WSCD1: variants seen among roughly 807,000 people sequenced by gnomAD.
WSCD1 encodes sialate:O-sulfotransferase 1.
In WSCD1, 41 loss-of-function variants were observed where a neutral mutation model predicts 60.4. The ratio of observed to expected loss-of-function variants is 0.68; its 90% confidence interval spans 0.53 to 0.88. The LOEUF is 0.88. Ranked by LOEUF, WSCD1 falls within the 40% of genes least tolerant of loss-of-function variation. WSCD1 has a pLI of 0.00. For synonymous variants in WSCD1, 361 were observed against 332.5 expected, an observed-to-expected ratio of 1.09 and a Z score of -0.93; for missense variants, 784 against 796.2, an observed-to-expected ratio of 0.98 and a Z score of 0.18.
rs147427594 is a variant in WSCD1, at chr17:6,102,218, G to A, written c.849+6995G>A. The stretch of plus-strand genomic sequence containing the variant: ...ATCTAGCCACCTTTCAAATGGAAAA[G>A]CATGCATTAATATGGAACCTGTTTG... On this transcript the variant is annotated intron_variant, in intron 5 of 8. Transcript: ENST00000317744. Among the ~76,000 whole-genome samples, 499 of 152,360 alleles carry A rather than the reference G, an allele frequency of 3.3e-3. 1 individual carries two copies. Among genetic ancestry groups the A allele is most frequent in the Non-Finnish European group, 5.9e-3 (402 of 68,040 alleles).
At chr17:6,106,409 AC>A (rs1911087849) in intron 5 of WSCD1, among the ~76,000 whole-genome samples, 1 of 152,242 alleles carries the variant, frequency 6.6e-6, no homozygotes, top group Non-Finnish European at 1.5e-5. Context: ...TGGATGGAAT[AC>A]TACACAGCAA....
At chr17:6,107,309 T>C (rs558696897) in intron 5 of WSCD1, among the ~76,000 whole-genome samples, 3 of 152,232 alleles carry the variant, frequency 2.0e-5, no homozygotes, top group Admixed American at 2.0e-4. Context: ...AAGACCAGAC[T>C]GGCCAACGTG....
chr17:6,092,330 G>A (rs982553823), intron 4 of WSCD1, among the ~76,000 whole-genome samples: 2 of 152,102 alleles, frequency 1.3e-5, no homozygotes, highest in African/African-American at 2.4e-5. Context: ...GCCCAGAAGA[G>A]CTGCTCCGTG....
chr17:6,078,948 C>T (rs1909047827), intron 1 of WSCD1, among the ~76,000 whole-genome samples: 1 of 152,154 alleles, frequency 6.6e-6, no homozygotes, highest in African/African-American at 2.4e-5. Flanking sequence ...AATAGAAGCT[C>T]TGGAGAACCG....
In WSCD1 at chr17:6,123,303, A is replaced by G. The variant is rs1369542679; in HGVS notation, c.*2642A>G. 6.6e-6 allele frequency: 1 copy of G among 152,240 alleles called. No homozygotes were observed. Among genetic ancestry groups the G allele is most frequent in the East Asian group, 1.9e-4 (1 of 5,194 alleles). 9.4% of individuals were successfully genotyped at this position (152,240 alleles called of 1,614,324 possible). Reference sequence around the variant, plus strand: ...ACCTGTGTTAAAACATGTAATTTTTATGGATTTCATCTCCCGTTGTGGATC... The same window carrying G: ...ACCTGTGTTAAAACATGTAATTTTTGTGGATTTCATCTCCCGTTGTGGATC... On this transcript the variant is annotated 3_prime_UTR_variant, in exon 9 of 9. Transcript: ENST00000317744.
chr17:6,119,855 T>C (rs1410084841), intron 8 of WSCD1, among the ~76,000 whole-genome samples: 1 of 152,156 alleles, frequency 6.6e-6, no homozygotes, highest in Non-Finnish European at 1.5e-5. Flanking sequence ...ATCTGGACCC[T>C]GCACACCCCT....
At chr17:6,087,566 C>T (rs896064635) in intron 2 of WSCD1, among the ~76,000 whole-genome samples, 7 of 152,214 alleles carry the variant, frequency 4.6e-5, no homozygotes, top group African/African-American at 1.7e-4. Context: ...TCTCTGGCCC[C>T]CAAGGAGGCA....
chr17:6,120,260 C>T (rs1254045759), intron 8 of WSCD1, 49 bp from the exon 9 acceptor site: 2 of 1,575,128 alleles, frequency 1.3e-6, no homozygotes, highest in Non-Finnish European at 1.7e-6. Context: ...GACCGGCAGC[C>T]CTGGCAGGGC....
intron 1 of WSCD1, among the ~76,000 whole-genome samples, chr17:6,073,072 C>T (rs1404407610): frequency 6.6e-6 from 1 of 152,090 alleles, no homozygotes; most frequent in Non-Finnish European, 1.5e-5. Context: ...ATGAGGGGGT[C>T]GAGAGTATTC....
intron 5 of WSCD1, among the ~76,000 whole-genome samples, chr17:6,106,438 A>G (rs1047704422): frequency 7.2e-5 from 11 of 152,248 alleles, no homozygotes; most frequent in African/African-American, 2.7e-4. Flanking sequence ...GGAATGATCC[A>G]CAGACACAGA....
chr17:6,112,690 C>T (rs890807210), intron 7 of WSCD1, among the ~76,000 whole-genome samples: 8 of 151,952 alleles, frequency 5.3e-5, no homozygotes, highest in African/African-American at 1.9e-4. Context: ...ATGAAGAAAG[C>T]GGTACCATTT....
intron 2 of WSCD1, among the ~76,000 whole-genome samples, chr17:6,086,076 G>A (rs1032816066): frequency 7.2e-5 from 11 of 151,834 alleles, no homozygotes; most frequent in South Asian, 2.1e-4. Flanking sequence ...GAAGGTGGCC[G>A]TTGTTCCCTC....
chr17:6,070,822 G>A (rs1860782977), intron 1 of WSCD1, among the ~76,000 whole-genome samples, 170 bp downstream of exon 1: 1 of 151,296 alleles, frequency 6.6e-6, no homozygotes, highest in African/African-American at 2.4e-5. Context: ...CGGGGGCCCG[G>A]GGCGGCTCGG....
At chr17:6,086,250 C>CATACATATATATATATAT (rs1909633414) in intron 2 of WSCD1, among the ~76,000 whole-genome samples, 1 of 98,234 alleles carries the variant, frequency 1.0e-5, no homozygotes, top group Non-Finnish European at 2.0e-5. Context: ...GTCCTGACTT[C>CATACATATATATATATAT]ATATATATAT....
rs1425967975 is a variant in WSCD1 at position 6,080,811 on chromosome 17, C to T, written c.153C>T (p.Pro51=). 1.9e-6 allele frequency: 3 copies of T among 1,609,568 alleles called. No individual in the cohort carries two copies. Among genetic ancestry groups the T allele is most frequent in the Non-Finnish European group, 2.5e-6 (3 of 1,178,672 alleles). The change falls in exon 2 of 9, where the codon CCC becomes CCT. Residue 51 remains proline (P), a synonymous_variant. Transcript: ENST00000317744. The surrounding 1 kb of genome is among the most constrained non-coding windows in gnomAD (Gnocchi z 6.6). ...ALPQGPRAPG[P]LQTLPVAAVA... is the part of the protein sequence containing the mutation. ...CACAGGGCCCCCGGGCACCCGGCCC[C>T]CTGCAGACCTTGCCAGTGGCCGCCG... is the stretch of plus-strand genomic sequence containing the variant.
rs1467892062 is a variant in WSCD1 at position 6,101,737 on chromosome 17, A to G, written c.849+6514A>G. On this transcript the variant is annotated intron_variant, in intron 5 of 8. Transcript: ENST00000317744. This position sits in a 1 kb window ranked among gnomAD's most constrained non-coding sequence, Gnocchi z 4.1. ...GATGGAAAGAGACCTGCTCATTCTC[A>G]GTCCCCTTCAGGATCCTATCGGCTC... 6.6e-6 allele frequency among the ~76,000 whole-genome samples: 1 copy of G among 152,196 alleles called. No homozygotes were observed. The highest frequency in any genetic ancestry group is 1.5e-5 in the Non-Finnish European group (1 of 68,046).
intron 8 of WSCD1, 42 bp from the exon 9 acceptor site, chr17:6,120,267 G>T: frequency 6.3e-7 from 1 of 1,581,614 alleles, no homozygotes; most frequent in Non-Finnish European, 8.6e-7. Context: ...AGCCCTGGCA[G>T]GGCCAGCCCC....
At position 6,101,669 on chromosome 17, in the gene WSCD1, G is replaced by T. The variant is rs1159895834; in HGVS notation, c.849+6446G>T. 2.6e-5 allele frequency among the ~76,000 whole-genome samples: 4 copies of T among 152,182 alleles called. No homozygotes were observed. The highest frequency in any genetic ancestry group is 9.7e-5 in the African/African-American group (4 of 41,434). On this transcript the variant is annotated intron_variant, in intron 5 of 8. Coordinates refer to ENST00000317744, the MANE Select transcript of WSCD1 (RefSeq NM_015253.2). This position sits in a 1 kb window ranked among gnomAD's most constrained non-coding sequence, Gnocchi z 4.1. ...TTGACCAATGTAATGTGTTTTTAAAGCCCAGTGAAATGATCTTGTCTAATT... is the reference window on the plus strand; with the variant it reads ...TTGACCAATGTAATGTGTTTTTAAATCCCAGTGAAATGATCTTGTCTAATT...
At chr17:6,088,730 G>A in intron 3 of WSCD1, among the ~76,000 whole-genome samples, 1 of 151,292 alleles carries the variant, frequency 6.6e-6, no homozygotes, top group Non-Finnish European at 1.5e-5. Flanking sequence ...GAGAGAGGTG[G>A]GTTAAACAGA....
Sources: allele counts gnomAD v4.1 joint callset (sites outside exome capture counted in the v4.1 genomes callset), GRCh38; gene constraint gnomAD v4.1.1; non-coding constraint Gnocchi (gnomAD v3.1); transcripts MANE v1.5; gene names NCBI Gene and HGNC (gene_info 2026-07-23, HGNC 2026-07-21).